Variants in ADAMTS20 observed in about 807,000 individuals in gnomAD.
ADAMTS20 encodes ADAM metallopeptidase with thrombospondin type 1 motif 20.
A neutral mutation model predicts 260.1 loss-of-function variants in ADAMTS20; 225 were observed. The observed-to-expected ratio is 0.87, with a 90% CI of 0.78 to 0.97. The LOEUF (loss-of-function observed/expected upper bound fraction) is 0.97, where lower values mean the gene tolerates loss of function less well. Ranked by LOEUF, ADAMTS20 falls within the 50% of genes least tolerant of loss-of-function variation. The pLI, the probability that ADAMTS20 is intolerant of heterozygous loss-of-function variation, is 0.00. For synonymous variants in ADAMTS20, 802 were observed against 769.5 expected (o/e 1.04, Z -0.70); for missense variants, 2,400 against 2,337.7 (o/e 1.03, Z -0.55).
intron 18 of ADAMTS20, among the ~76,000 whole-genome samples, chr12:43,439,002 C>T (rs769606437): frequency 1.1e-4 from 16 of 152,140 alleles, no homozygotes; most frequent in South Asian, 2.1e-4. Context: ...TGAGCATATT[C>T]CCTCAATAAA....
intron 3 of ADAMTS20, among the ~76,000 whole-genome samples, chr12:43,513,325 A>G (rs1942950820): frequency 1.3e-5 from 2 of 152,188 alleles, no homozygotes; most frequent in Non-Finnish European, 2.9e-5. Flanking sequence ...TCTAAAGTAT[A>G]AGACACACTT....
Position 43,551,877 on chromosome 12 carries a change from C to G in ADAMTS20, c.45G>C (p.Ser15=), listed in dbSNP as rs1444454131. ...CTTCCCAAGACCTGGTGATGAAGAG[C>G]GAGAGATGGTAGAGCAGCCCAGTCA... ...KWLTGLLYHL[S]LFITRSWEVD... The change falls in exon 1 of 39, where the codon TCG becomes TCC. Residue 15 remains serine, a synonymous_variant. Coordinates refer to ENST00000389420, the MANE Select transcript of ADAMTS20 (RefSeq NM_025003.5). This position sits in a 1 kb window ranked among gnomAD's most constrained non-coding sequence, Gnocchi z 4.6. The G allele has an allele frequency of 3.7e-6, 6 of 1,613,728 alleles. No homozygotes were observed. The highest frequency in any genetic ancestry group is 5.1e-6 in the Non-Finnish European group (6 of 1,179,738).
intron 3 of ADAMTS20, among the ~76,000 whole-genome samples, chr12:43,531,112 A>G (rs1424207699): frequency 6.6e-6 from 1 of 152,034 alleles, no homozygotes; most frequent in African/African-American, 2.4e-5. Context: ...GAACTGTGTT[A>G]CCCTCAAACA....
At chr12:43,543,907 T>C (rs945896581) in intron 2 of ADAMTS20, among the ~76,000 whole-genome samples, 5 of 152,214 alleles carry the variant, frequency 3.3e-5, no homozygotes, top group Non-Finnish European at 4.4e-5. Flanking sequence ...GCTCTTACTA[T>C]AGTTATAAAT....
At chr12:43,409,777 G>A (rs1940998399) in intron 28 of ADAMTS20, among the ~76,000 whole-genome samples, 1 of 152,028 alleles carries the variant, frequency 6.6e-6, no homozygotes, top group Non-Finnish European at 1.5e-5. Flanking sequence ...CAGAAAGAAT[G>A]TATAGCAAAG....
At chr12:43,365,669 T>C (rs1939968264) in intron 37 of ADAMTS20, among the ~76,000 whole-genome samples, 1 of 151,938 alleles carries the variant, frequency 6.6e-6, no homozygotes, top group Non-Finnish European at 1.5e-5. Context: ...AGACATAAAA[T>C]TATTTAAGTT....
intron 18 of ADAMTS20, among the ~76,000 whole-genome samples, chr12:43,438,016 A>C (rs1338100287): frequency 6.6e-6 from 1 of 152,226 alleles, no homozygotes; most frequent in Non-Finnish European, 1.5e-5. Flanking sequence ...AGTACACAGA[A>C]ACAAACAAAA....
At chr12:43,362,745 T>C (rs995092158) in intron 37 of ADAMTS20, among the ~76,000 whole-genome samples, 3 of 151,782 alleles carry the variant, frequency 2.0e-5, no homozygotes, top group Non-Finnish European at 4.4e-5. Flanking sequence ...TCTTCTTGAT[T>C]TCACCACACC....
chr12:43,394,420 C>T (rs1331179905), intron 29 of ADAMTS20, among the ~76,000 whole-genome samples: 1 of 152,076 alleles, frequency 6.6e-6, no homozygotes, highest in Non-Finnish European at 1.5e-5. Flanking sequence ...TGAACATCAT[C>T]CTTCTGTTAA....
intron 11 of ADAMTS20, among the ~76,000 whole-genome samples, chr12:43,461,147 C>A (rs924376298): frequency 1.3e-5 from 2 of 150,766 alleles, no homozygotes; most frequent in African/African-American, 4.9e-5. Context: ...CCTGTCACCA[C>A]GCCTGGCTAA....
At chr12:43,432,216 A>T in intron 21 of ADAMTS20, 88 bp downstream of exon 21, 1 of 1,336,356 alleles carries the variant, frequency 7.5e-7, no homozygotes, top group Non-Finnish European at 1.0e-6. Context: ...AATAAATTTA[A>T]GCACTTTTAA....
intron 3 of ADAMTS20, among the ~76,000 whole-genome samples, chr12:43,513,122 T>A (rs1040627652): frequency 2.6e-5 from 4 of 152,148 alleles, no homozygotes; most frequent in African/African-American, 9.7e-5. Context: ...TGTCCTTTCA[T>A]CTAGTGAACT....
intron 37 of ADAMTS20, among the ~76,000 whole-genome samples, chr12:43,357,938 A>G (rs1387630891): frequency 1.3e-5 from 2 of 152,224 alleles, no homozygotes; most frequent in Non-Finnish European, 2.9e-5. Context: ...AAAAGAATTG[A>G]TTCTTAGGAT....
chr12:43,528,169 C>T (rs1254672698), intron 3 of ADAMTS20, among the ~76,000 whole-genome samples: 1 of 151,802 alleles, frequency 6.6e-6, no homozygotes, highest in Non-Finnish European at 1.5e-5. Context: ...CTACAAAACA[C>T]TGCTGAAAGA....
intron 15 of ADAMTS20, 59 bp from the exon 16 acceptor site, chr12:43,443,942 T>G: frequency 7.5e-7 from 1 of 1,342,252 alleles, no homozygotes. Flanking sequence ...CAGAGGTTAT[T>G]ACTGCTGAAT....
intron 32 of ADAMTS20, 99 bp downstream of exon 32, chr12:43,377,266 A>C (rs778214099): frequency 9.6e-7 from 1 of 1,045,380 alleles, no homozygotes; most frequent in East Asian, 2.7e-5. Flanking sequence ...GGTCTGAGGC[A>C]ACTCTGAGGA....
intron 7 of ADAMTS20, among the ~76,000 whole-genome samples, chr12:43,486,214 T>A (rs1942520690): frequency 6.6e-6 from 1 of 152,226 alleles, no homozygotes; most frequent in East Asian, 1.9e-4. Flanking sequence ...GGTATGGTAC[T>A]GGTATAAAAG....
At chr12:43,532,254 C>T in intron 2 of ADAMTS20, 59 bp from the exon 3 acceptor site, 2 of 1,458,212 alleles carry the variant, frequency 1.4e-6, no homozygotes, top group South Asian at 1.3e-5. Context: ...AGAAAAAACA[C>T]ATAGTACCAC....
chr12:43,354,264 T>C lies in ADAMTS20; in HGVS notation c.5678A>G (p.Tyr1893Cys). 1 of 1,594,376 alleles carries C rather than the reference T, an allele frequency of 6.3e-7. No individual in the cohort carries two copies. Among genetic ancestry groups the C allele is most frequent in the Non-Finnish European group, 8.6e-7 (1 of 1,169,144 alleles). The change falls in exon 39 of 39, where the codon TAC (tyrosine) becomes TGC (cysteine). Residue 1893 changes from tyrosine to cysteine, a missense_variant. Physicochemically the swap from Tyr to Cys is radical, Grantham distance 194 (BLOSUM62 -2). Coordinates refer to ENST00000389420, the MANE Select transcript of ADAMTS20 (RefSeq NM_025003.5). ...GTRFFGKCGG[Y>C]CGKCLPHMTT... is the part of the protein sequence containing the mutation. Reference sequence around the variant, plus strand: ...CATGTGAGGAAGACACTTTCCACAGTACCCTCCACATTTGCCGAAAAATCT... The same window carrying C: ...CATGTGAGGAAGACACTTTCCACAGCACCCTCCACATTTGCCGAAAAATCT...
Sources: gnomAD v4.1 joint callset for allele counts (sites outside exome capture counted in the v4.1 genomes callset) on GRCh38, gnomAD v4.1.1 for gene constraint, Gnocchi (gnomAD v3.1) non-coding constraint, MANE v1.5 for transcripts, NCBI Gene and HGNC (gene_info 2026-07-23, HGNC 2026-07-21) for gene names.